PRKD3: variants seen among roughly 807,000 people sequenced by gnomAD.
The protein encoded by PRKD3 is serine/threonine-protein kinase D3.
In PRKD3, 47 loss-of-function variants were observed where a neutral mutation model predicts 99.2. The observed-to-expected ratio is 0.47, with a 90% CI of 0.38 to 0.60. The LOEUF (loss-of-function observed/expected upper bound fraction) is 0.60. PRKD3 is among the 20% of genes least tolerant of loss of function. PRKD3 has a pLI of 0.00. For missense variants in PRKD3, 1,019 were observed against 1,088.4 expected (o/e 0.94, Z 0.90); for synonymous variants, 392 against 355.4 (o/e 1.10, Z -1.16).
chr2:37,282,774 ACCC>A (rs541241864), intron 6 of PRKD3, among the ~76,000 whole-genome samples, 155 bp from the exon 7 acceptor site: 1 of 151,630 alleles, frequency 6.6e-6, no homozygotes, highest in African/African-American at 2.4e-5. Flanking sequence ...ACCCCTCTGC[ACCC>A]CCCCATCATT....
intron 9 of PRKD3, 124 bp from the exon 10 acceptor site, chr2:37,275,968 G>A: frequency 7.8e-7 from 1 of 1,282,580 alleles, no homozygotes; most frequent in Non-Finnish European, 1.0e-6. Flanking sequence ...AGATTCATGA[G>A]GTTCAAAATT....
chr2:37,322,472 A>C (rs1671927952), intron 1 of PRKD3, among the ~76,000 whole-genome samples: 1 of 152,218 alleles, frequency 6.6e-6, no homozygotes, highest in Non-Finnish European at 1.5e-5. Flanking sequence ...GTACTGAGAG[A>C]GCACACCATA....
intron 2 of PRKD3, among the ~76,000 whole-genome samples, chr2:37,300,369 C>T (rs1026706517): frequency 2.0e-5 from 3 of 152,004 alleles, no homozygotes; most frequent in African/African-American, 7.3e-5. Context: ...CTACCAGAGG[C>T]TCTGAAGGGT....
At chr2:37,309,889 GAATAT>G (rs1247871774) in intron 2 of PRKD3, among the ~76,000 whole-genome samples, 5 of 149,720 alleles carry the variant, frequency 3.3e-5, no homozygotes, top group Non-Finnish European at 7.4e-5. Flanking sequence ...ATGCCCTTAG[GAATAT>G]ATTATACCAA....
At chr2:37,287,282 A>G (rs1370464543) in intron 5 of PRKD3, among the ~76,000 whole-genome samples, 1 of 148,286 alleles carries the variant, frequency 6.7e-6, no homozygotes, top group Non-Finnish European at 1.5e-5. Context: ...AAGAAAAAGA[A>G]AAAGAAAAAT....
intron 14 of PRKD3, among the ~76,000 whole-genome samples, chr2:37,261,040 A>G (rs768738106): frequency 5.3e-5 from 8 of 152,230 alleles, no homozygotes; most frequent in Non-Finnish European, 1.0e-4. Context: ...GCCTTGCTCA[A>G]ACACCTTCAG....
rs550138973 is a variant in PRKD3, at chr2:37,282,326, T to C, written c.988+216A>G. The C allele has an allele frequency of 3.0e-4, 158 of 529,502 alleles. 4 individuals are homozygous for C. The South Asian group carries it at 4.1e-3, about 14-fold the overall frequency. The allele number at this position is 529,502 out of a possible 1,614,324, so 32.8% of individuals were successfully genotyped here. A position where few individuals can be genotyped will look rare whatever the true frequency, so the allele number is the denominator to read the frequency against. The stretch of plus-strand genomic sequence containing the variant: ...TGGAGTACCACTGGCTATATTAGAC[T>C]ACAAAGTAACAGGTGGCCAGAGGAA... On this transcript the variant is annotated intron_variant, in intron 7 of 18. Coordinates refer to ENST00000234179, the MANE Select transcript of PRKD3 (RefSeq NM_005813.6).
chr2:37,258,225 G>A (rs188997250), intron 16 of PRKD3, among the ~76,000 whole-genome samples: 11 of 152,300 alleles, frequency 7.2e-5, no homozygotes, highest in Non-Finnish European at 1.0e-4. Context: ...ATCAAATGCT[G>A]CTATTTCTGG....
At chr2:37,310,672 T>C (rs975999043) in intron 2 of PRKD3, among the ~76,000 whole-genome samples, 2 of 152,146 alleles carry the variant, frequency 1.3e-5, no homozygotes, top group East Asian at 1.9e-4. Context: ...TAAAATACAA[T>C]GTGTTGGATA....
chr2:37,319,644 T>C (rs1421771722), intron 1 of PRKD3, among the ~76,000 whole-genome samples: 2 of 152,130 alleles, frequency 1.3e-5, no homozygotes, highest in Admixed American at 6.5e-5. Flanking sequence ...GCAAAGCTAA[T>C]GCCCTAGGTC....
At chr2:37,259,361 T>C (rs1668233935) in intron 16 of PRKD3, among the ~76,000 whole-genome samples, 1 of 152,236 alleles carries the variant, frequency 6.6e-6, no homozygotes, top group African/African-American at 2.4e-5. Context: ...TTGCAGAATC[T>C]ATGTGCAGTT....
At chr2:37,314,736 G>C (rs1300698411) in intron 2 of PRKD3, among the ~76,000 whole-genome samples, 1 of 151,612 alleles carries the variant, frequency 6.6e-6, no homozygotes, top group East Asian at 1.9e-4. Flanking sequence ...AATAAAAAGG[G>C]AACATTATAT....
chr2:37,266,962 C>CA (rs1310250580), intron 14 of PRKD3, among the ~76,000 whole-genome samples: 1 of 152,150 alleles, frequency 6.6e-6, no homozygotes, highest in East Asian at 1.9e-4. Flanking sequence ...ATGAAAAACA[C>CA]ATAGGAATTT....
At chr2:37,302,863 G>A (rs1029907900) in intron 2 of PRKD3, among the ~76,000 whole-genome samples, 2 of 152,082 alleles carry the variant, frequency 1.3e-5, no homozygotes, top group East Asian at 1.9e-4. Context: ...GCAGACAGGG[G>A]TGGGTCCTGG....
chr2:37,323,010 T>G (rs1671950259), intron 1 of PRKD3, among the ~76,000 whole-genome samples: 1 of 152,038 alleles, frequency 6.6e-6, no homozygotes, highest in Non-Finnish European at 1.5e-5. Context: ...TTAAGAAAAC[T>G]GCACTTAAAT....
intron 13 of PRKD3, chr2:37,268,194 C>T: frequency 5.0e-6 from 2 of 404,038 alleles, no homozygotes; most frequent in Non-Finnish European, 1.0e-5. Context: ...CTCTTCTCTA[C>T]ATAGCTATTT....
intron 8 of PRKD3, 142 bp downstream of exon 8, chr2:37,279,604 T>C (rs889064958): frequency 2.0e-5 from 10 of 501,202 alleles, no homozygotes; most frequent in Admixed American, 1.2e-4. Context: ...AAATACTACA[T>C]TGCATGTAAA....
Position 37,253,031 on chromosome 2 carries a change from G to T in PRKD3, c.*146C>A. On this transcript the variant is annotated 3_prime_UTR_variant, in exon 19 of 19. Coordinates refer to ENST00000234179, the MANE Select transcript of PRKD3 (RefSeq NM_005813.6). The stretch of plus-strand genomic sequence containing the variant: ...TTTCCCGCCTGTACCTACTCATTAT[G>T]AACTACAGTACTGGTGTCACTTATT... 1 of 715,470 alleles carries T rather than the reference G, an allele frequency of 1.4e-6. No homozygotes were observed. The highest frequency in any genetic ancestry group is 2.1e-6 in the Non-Finnish European group (1 of 479,622). 44.3% of individuals were successfully genotyped at this position (715,470 alleles called of 1,614,324 possible). A position where few individuals can be genotyped will look rare whatever the true frequency, so the allele number is the denominator to read the frequency against.
chr2:37,290,959 A>G lies in PRKD3; in HGVS notation c.468T>C (p.Thr156=). The change falls in exon 4 of 19, where the codon ACT becomes ACC. Residue 156 remains threonine, a synonymous_variant. Coordinates refer to ENST00000234179, the MANE Select transcript of PRKD3 (RefSeq NM_005813.6). ...GAGCTTTGTAAGAATGTACATAGAG[A>G]GTATGTGGACGAATCTGGAAGTCTT... ...TVEDFQIRPH[T]LYVHSYKAPT... 6.2e-7 allele frequency: 1 copy of G among 1,608,024 alleles called. No homozygotes were observed. The highest frequency in any genetic ancestry group is 1.1e-5 in the South Asian group (1 of 90,818).
Sources: allele counts gnomAD v4.1 joint callset (sites outside exome capture counted in the v4.1 genomes callset), GRCh38; gene constraint gnomAD v4.1.1; transcripts MANE v1.5; gene names NCBI Gene and HGNC (gene_info 2026-07-23, HGNC 2026-07-21).